Variants in VGLL4 observed in about 807,000 individuals in gnomAD.
VGLL4 encodes vestigial like family member 4.
VGLL4 carries 7 observed loss-of-function variants against 21.0 expected under a neutral mutation model. That is an observed-to-expected ratio of 0.33 (90% CI 0.19 to 0.63). The LOEUF (loss-of-function observed/expected upper bound fraction) is 0.63. Ranked by LOEUF, VGLL4 falls within the 20% of genes least tolerant of loss-of-function variation. VGLL4 has a pLI of 0.78. For missense variants in VGLL4, 394 were observed against 425.7 expected (o/e 0.93, Z 0.66); for synonymous variants, 222 against 173.2 (o/e 1.28, Z -2.21).
At position 11,664,768 on chromosome 3, in the gene VGLL4, A is replaced by G. The variant is rs143427747; in HGVS notation, c.64+38203T>C. 1.7e-4 allele frequency among the ~76,000 whole-genome samples: 26 copies of G among 152,332 alleles called. No homozygotes were observed. In the East Asian group the frequency reaches 5.0e-3, roughly 29 times the overall value. ...ATTTGCCCTGAATATGGGGACACAT[A>G]AGAGCTATAGTAACTATAAAACATG... On this transcript the variant is annotated intron_variant, in intron 2 of 5. Coordinates refer to the VGLL4 transcript ENST00000273038.
At chr3:11,618,011 T>C (rs2075196825) in intron 1 of VGLL4, among the ~76,000 whole-genome samples, 1 of 152,258 alleles carries the variant, frequency 6.6e-6, no homozygotes, top group Admixed American at 6.5e-5. Flanking sequence ...CATTTATCCA[T>C]GATTAATCAA....
intron 2 of VGLL4, among the ~76,000 whole-genome samples, chr3:11,577,002 G>A (rs1247867202): frequency 6.6e-6 from 1 of 152,270 alleles, no homozygotes; most frequent in Admixed American, 6.5e-5. Context: ...TGAGCCAACC[G>A]AAAACTAAAC....
At chr3:11,625,972 T>C (rs1265008006) in intron 1 of VGLL4, among the ~76,000 whole-genome samples, 1 of 152,238 alleles carries the variant, frequency 6.6e-6, no homozygotes, top group Non-Finnish European at 1.5e-5. Context: ...ATCCCAGTGA[T>C]AACTGTACAA....
intron 2 of VGLL4, among the ~76,000 whole-genome samples, chr3:11,694,790 T>C (rs985457277): frequency 4.1e-4 from 62 of 152,242 alleles, no homozygotes; most frequent in African/African-American, 1.5e-3. Flanking sequence ...GCATGATAGG[T>C]AGACTAACAT....
rs113139991 is a variant in VGLL4, at chr3:11,568,885, G to A, written c.273-3866C>T. On this transcript the variant is annotated intron_variant, in intron 2 of 4. Coordinates refer to ENST00000430365, the MANE Select transcript of VGLL4 (RefSeq NM_001128219.3). This position sits in a 1 kb window ranked among gnomAD's most constrained non-coding sequence, Gnocchi z 5.9. ...GAGCCGCTGAGGCTGCACGGCACCC[G>A]GCCCCGCCCCGGGCCTCATCCCCAT... 1.3e-4 allele frequency: 167 copies of A among 1,335,510 alleles called. No homozygotes were observed. The highest frequency in any genetic ancestry group is 7.5e-4 in the African/African-American group (50 of 67,096). The allele number at this position is 1,335,510 out of a possible 1,614,324, so 82.7% of individuals were successfully genotyped here.
intron 1 of VGLL4, among the ~76,000 whole-genome samples, chr3:11,623,307 T>A (rs775004042): frequency 5.3e-5 from 8 of 152,188 alleles, no homozygotes; most frequent in Non-Finnish European, 8.8e-5. Flanking sequence ...AAAGAGAAAT[T>A]AGTCATCCTT....
At chr3:11,700,545 A>C (rs1055990318) in intron 2 of VGLL4, among the ~76,000 whole-genome samples, 5 of 151,324 alleles carry the variant, frequency 3.3e-5, no homozygotes, top group African/African-American at 9.7e-5. Flanking sequence ...CTTCACCCCC[A>C]AAAACTCCTG....
chr3:11,684,392 T>A (rs1212039772), intron 2 of VGLL4, among the ~76,000 whole-genome samples: 1 of 151,848 alleles, frequency 6.6e-6, no homozygotes, highest in African/African-American at 2.4e-5. Context: ...TTTTTTTCTT[T>A]AAAAAAAAGA....
chr3:11,627,293 T>C (rs2075373023), intron 1 of VGLL4: 1 of 151,338 alleles, frequency 6.6e-6, no homozygotes, highest in Non-Finnish European at 1.5e-5. Flanking sequence ...AAACCATCAA[T>C]GTGTCCAGGC....
At chr3:11,651,411 G>A (rs780007164) in intron 2 of VGLL4, among the ~76,000 whole-genome samples, 2 of 151,048 alleles carry the variant, frequency 1.3e-5, no homozygotes, top group Non-Finnish European at 3.0e-5. Context: ...AATAAAAAAG[G>A]AAGACTTAAG....
intron 2 of VGLL4, among the ~76,000 whole-genome samples, chr3:11,579,313 C>A (rs1196745020): frequency 6.6e-6 from 1 of 151,912 alleles, no homozygotes; most frequent in East Asian, 1.9e-4. Flanking sequence ...CTTAGCAAGG[C>A]TACTGCTTTA....
chr3:11,605,017 G>A (rs1324867985), intron 1 of VGLL4, among the ~76,000 whole-genome samples: 2 of 139,946 alleles, frequency 1.4e-5, no homozygotes, highest in African/African-American at 5.2e-5. Flanking sequence ...TGGAAACCCC[G>A]CAGGGCTGCT....
At chr3:11,593,035 T>C (rs546190412) in intron 2 of VGLL4, among the ~76,000 whole-genome samples, 1 of 152,314 alleles carries the variant, frequency 6.6e-6, no homozygotes, top group East Asian at 1.9e-4. Flanking sequence ...ATAACTTGTT[T>C]TGCCTATAAA....
intron 2 of VGLL4, among the ~76,000 whole-genome samples, chr3:11,683,330 G>A (rs2076402245): frequency 6.6e-6 from 1 of 152,140 alleles, no homozygotes; most frequent in African/African-American, 2.4e-5. Flanking sequence ...AAATACTACT[G>A]GTGGGATAAT....
rs569152303 is a variant in VGLL4 at position 11,568,441 on chromosome 3, C to T, written c.273-3422G>A. On this transcript the variant is annotated intron_variant, in intron 2 of 4. Coordinates refer to ENST00000430365, the MANE Select transcript of VGLL4 (RefSeq NM_001128219.3). This position sits in a 1 kb window ranked among gnomAD's most constrained non-coding sequence, Gnocchi z 5.9. ...ACAGCCCCACTGTGCGCCCACCCTACGCAGGGCAGCAGGGAGAAGGGGACT... is the reference window on the plus strand; with the variant it reads ...ACAGCCCCACTGTGCGCCCACCCTATGCAGGGCAGCAGGGAGAAGGGGACT... Among the ~76,000 whole-genome samples, 15 of 152,300 alleles carry T rather than the reference C, an allele frequency of 9.8e-5. No individual in the cohort carries two copies. The highest frequency in any genetic ancestry group is 3.9e-4 in the Admixed American group (6 of 15,304).
intron 2 of VGLL4, among the ~76,000 whole-genome samples, chr3:11,590,690 G>C (rs969578707): frequency 2.3e-4 from 35 of 151,892 alleles, no homozygotes; most frequent in Non-Finnish European, 4.1e-4. Context: ...GTGTGTGTGT[G>C]TGTGTGTGTG....
upstream of VGLL4, among the ~76,000 whole-genome samples, chr3:11,644,969 A>C (rs972075861): frequency 4.6e-5 from 7 of 152,052 alleles, no homozygotes; most frequent in Admixed American, 6.5e-5. Context: ...TATAGAGGGA[A>C]AGGGTAAAAT....
intron 1 of VGLL4, among the ~76,000 whole-genome samples, chr3:11,705,578 C>T (rs997160073): frequency 6.6e-6 from 1 of 152,180 alleles, no homozygotes; most frequent in African/African-American, 2.4e-5. Flanking sequence ...ACTTGTTCAA[C>T]AATGGAGAAA....
At chr3:11,704,014 C>T (rs773997082) in intron 1 of VGLL4, among the ~76,000 whole-genome samples, 54 of 152,128 alleles carry the variant, frequency 3.5e-4, no homozygotes, top group Non-Finnish European at 4.9e-4. Flanking sequence ...GAGGCCAAGG[C>T]GGGCAGATCA....
Sources: allele counts gnomAD v4.1 joint callset (sites outside exome capture counted in the v4.1 genomes callset), GRCh38; gene constraint gnomAD v4.1.1; non-coding constraint Gnocchi (gnomAD v3.1); transcripts MANE v1.5; gene names NCBI Gene and HGNC (gene_info 2026-07-23, HGNC 2026-07-21).